Variants in ANKRD55 observed in about 807,000 individuals in gnomAD.
The protein encoded by ANKRD55 is ankyrin repeat domain-containing protein 55.
ANKRD55 carries 41 observed loss-of-function variants against 60.6 expected under a neutral mutation model. That is an observed-to-expected ratio of 0.68 (90% confidence interval 0.53 to 0.88). ANKRD55 has a LOEUF of 0.88. Among genes scored for constraint, ANKRD55 ranks in the 40% least tolerant of loss-of-function variants. The probability of loss-of-function intolerance (pLI) is 0.00; values close to 1 mark genes in which losing one functional copy is unlikely to be tolerated. For synonymous variants in ANKRD55, 264 were observed against 290.3 expected (o/e 0.91, Z 0.92); for missense variants, 732 against 767.6 (o/e 0.95, Z 0.55).
At chr5:56,220,753 CA>C (rs1030959084) in intron 2 of ANKRD55, among the ~76,000 whole-genome samples, 1 of 152,146 alleles carries the variant, frequency 6.6e-6, no homozygotes, top group Non-Finnish European at 1.5e-5. Context: ...GCAGAGGTTG[CA>C]GTGAGCCAAG....
At chr5:56,104,919 T>C (rs1756409755) in intron 10 of ANKRD55, among the ~76,000 whole-genome samples, 1 of 152,066 alleles carries the variant, frequency 6.6e-6, no homozygotes, top group South Asian at 2.1e-4. Context: ...CCCATAGACC[T>C]TGTTCCAGTA....
chr5:56,169,958 A>G (rs995249929), intron 5 of ANKRD55, among the ~76,000 whole-genome samples: 1 of 152,222 alleles, frequency 6.6e-6, no homozygotes, highest in African/African-American at 2.4e-5. Flanking sequence ...ACACAGAGGA[A>G]TGGAGAAGCT....
chr5:56,100,237 G>C lies in ANKRD55; in HGVS notation c.1791C>G (p.Ser597Arg), dbSNP rs768183457. The change falls in exon 12 of 12, where the codon AGC becomes AGG. Residue 597 changes from serine to arginine, a missense_variant. This residue lies in a region of ANKRD55 where 597 missense variants were observed against 607.5 expected (regional missense o/e 0.98). Transcript: ENST00000341048. ...LPAIPSQRRH[S>R]TAAEESEHSA... ...AATGTTCACTCTCTTCTGCTGCTGTGCTGTGTCTTCGTTGACTTGGAATTG... is the reference window on the plus strand; with the variant it reads ...AATGTTCACTCTCTTCTGCTGCTGTCCTGTGTCTTCGTTGACTTGGAATTG... The C allele has an allele frequency of 6.2e-7, 1 of 1,614,148 alleles. No homozygotes were observed.
chr5:56,197,051 C>T lies in ANKRD55; in HGVS notation c.59-13417G>A, dbSNP rs149876005. 2.7e-3 allele frequency among the ~76,000 whole-genome samples: 414 copies of T among 152,264 alleles called. 10 individuals carry two copies. The East Asian group carries it at 0.047, about 17-fold the overall frequency. On this transcript the variant is annotated intron_variant, in intron 2 of 11. Coordinates refer to ENST00000341048, the MANE Select transcript of ANKRD55 (RefSeq NM_024669.3). ...TGTTATCCTAGTTTGAGAACCACTG[C>T]CAATACCTACATGATTTTGGTGCAA...
chr5:56,211,100 G>A (rs1759661486), intron 2 of ANKRD55, among the ~76,000 whole-genome samples: 1 of 152,174 alleles, frequency 6.6e-6, no homozygotes, highest in East Asian at 1.9e-4. Flanking sequence ...AAGTCTTGTG[G>A]TAGGTCCCCA....
At chr5:56,113,741 T>C (rs1275558104) in intron 9 of ANKRD55, among the ~76,000 whole-genome samples, 3 of 152,038 alleles carry the variant, frequency 2.0e-5, no homozygotes, top group African/African-American at 2.4e-5. Context: ...AAAGTTGCAG[T>C]TGAGTTCAAG....
intron 5 of ANKRD55, among the ~76,000 whole-genome samples, chr5:56,166,158 T>TTCCTTCC (rs58740295): frequency 0.013 from 935 of 72,446 alleles, 58 homozygotes; most frequent in South Asian, 0.017. Context: ...TTCTTTCTTC[T>TTCCTTCC]TTCCTTCCTT....
At chr5:56,157,299 CA>C (rs1371893850) in intron 6 of ANKRD55, among the ~76,000 whole-genome samples, 1 of 152,200 alleles carries the variant, frequency 6.6e-6, no homozygotes, top group African/African-American at 2.4e-5. Context: ...TGTGGAAGGC[CA>C]CAGGGACCTC....
intron 5 of ANKRD55, among the ~76,000 whole-genome samples, chr5:56,164,755 G>A (rs890179185): frequency 1.3e-5 from 2 of 152,186 alleles, no homozygotes; most frequent in Admixed American, 1.3e-4. Context: ...GCCTTGGGGA[G>A]CTGAAAGGGG....
chr5:56,105,692 G>A lies in ANKRD55; in HGVS notation c.1631-3106C>T, dbSNP rs144586747. Among the ~76,000 whole-genome samples the A allele has an allele frequency of 8.9e-4, 135 of 152,232 alleles. 1 individual carries two copies. Among genetic ancestry groups the A allele is most frequent in the African/African-American group, 3.2e-3 (134 of 41,564 alleles). On this transcript the variant is annotated intron_variant, in intron 10 of 11. Transcript: ENST00000341048. ...CCATGCCGTGAGGTCTGACCATGCC[G>A]TGAGGGCTTTGTTTGCCCAGTTTAG...
intron 8 of ANKRD55, among the ~76,000 whole-genome samples, chr5:56,125,950 A>G (rs897133532): frequency 6.6e-6 from 1 of 152,036 alleles, no homozygotes; most frequent in Non-Finnish European, 1.5e-5. Flanking sequence ...CCTGGCCAAC[A>G]TGGTGAAACC....
chr5:56,145,505 C>T (rs549291486), intron 6 of ANKRD55, among the ~76,000 whole-genome samples: 5 of 152,234 alleles, frequency 3.3e-5, no homozygotes, highest in African/African-American at 1.2e-4. Context: ...TAGGACCACC[C>T]TGCCAAACAG....
At chr5:56,135,328 T>TTTCG (rs1757556466) in intron 7 of ANKRD55, among the ~76,000 whole-genome samples, 5 of 16,764 alleles carry the variant, frequency 3.0e-4, no homozygotes, top group African/African-American at 1.4e-3. Context: ...TCTTTCTTTC[T>TTTCG]TTCTTTCTTT....
chr5:56,155,955 A>G (rs1758184449), intron 6 of ANKRD55, among the ~76,000 whole-genome samples: 2 of 152,062 alleles, frequency 1.3e-5, no homozygotes, highest in Admixed American at 6.6e-5. Context: ...ACACATATAT[A>G]TCCCTATGTT....
chr5:56,143,724 T>G, intron 7 of ANKRD55, 77 bp downstream of exon 7: 1 of 1,588,618 alleles, frequency 6.3e-7, no homozygotes, highest in Non-Finnish European at 8.6e-7. Flanking sequence ...ATCTTTAAAG[T>G]TTGACCTACT....
chr5:56,102,737 T>C (rs1580930810), intron 10 of ANKRD55, 151 bp from the exon 11 acceptor site: 1 of 575,078 alleles, frequency 1.7e-6, no homozygotes. Flanking sequence ...CTACACTTTA[T>C]TGCATTTCTG....
intron 2 of ANKRD55, among the ~76,000 whole-genome samples, chr5:56,230,178 C>T (rs1006556619): frequency 5.9e-5 from 9 of 152,136 alleles, no homozygotes; most frequent in African/African-American, 2.2e-4. Context: ...TCACCGCAAC[C>T]TCCACCTCCC....
chr5:56,219,963 T>A (rs1340141184), intron 2 of ANKRD55, among the ~76,000 whole-genome samples: 1 of 152,260 alleles, frequency 6.6e-6, no homozygotes, highest in Non-Finnish European at 1.5e-5. Flanking sequence ...TACTTAGTTC[T>A]GGCACTGTGG....
At chr5:56,221,875 AGTTC>A (rs1399893186) in intron 2 of ANKRD55, among the ~76,000 whole-genome samples, 2 of 152,240 alleles carry the variant, frequency 1.3e-5, no homozygotes, top group East Asian at 3.9e-4. Context: ...AGCCCACCGC[AGTTC>A]AAGGAGGCCT....
Sources: allele counts gnomAD v4.1 joint callset (sites outside exome capture counted in the v4.1 genomes callset), GRCh38; gene constraint gnomAD v4.1.1; regional missense constraint gnomAD v4.1.1; transcripts MANE v1.5; gene names NCBI Gene and HGNC (gene_info 2026-07-23, HGNC 2026-07-21).